ATRNL1: variants seen among roughly 807,000 people sequenced by gnomAD.
ATRNL1 encodes the protein attractin like 1, also known as attractin-like protein 1.
Under a neutral mutation model 182.7 loss-of-function variants are expected in ATRNL1, and 95 were observed. That is an observed-to-expected ratio of 0.52 (90% CI 0.44 to 0.62). The LOEUF is 0.62. Ranked by LOEUF, ATRNL1 falls within the 20% of genes least tolerant of loss-of-function variation. The pLI is 0.00. For missense variants in ATRNL1, 1,471 were observed against 1,679.5 expected (o/e 0.88, Z 2.17); for synonymous variants, 576 against 568.3 (o/e 1.01, Z -0.19).
intron 13 of ATRNL1, among the ~76,000 whole-genome samples, chr10:115,271,569 G>A (rs1163187883): frequency 1.3e-5 from 2 of 152,188 alleles, no homozygotes; most frequent in African/African-American, 4.8e-5. Context: ...AAATGCACAC[G>A]TATGTTTATT....
chr10:115,540,847 G>A (rs540938160), intron 25 of ATRNL1, among the ~76,000 whole-genome samples: 33 of 151,718 alleles, frequency 2.2e-4, no homozygotes, highest in Admixed American at 1.9e-3. Flanking sequence ...ATCTCTCAAT[G>A]TTTAGTGCTT....
chr10:115,446,490 A>G (rs1846997395), intron 21 of ATRNL1, among the ~76,000 whole-genome samples: 1 of 147,618 alleles, frequency 6.8e-6, no homozygotes. Context: ...TTCTCTTGAC[A>G]TGTTCCCCAT....
chr10:115,812,986 A>G (rs1950081642), intron 27 of ATRNL1, among the ~76,000 whole-genome samples: 1 of 152,128 alleles, frequency 6.6e-6, no homozygotes, highest in African/African-American at 2.4e-5. Flanking sequence ...TATGCTAGAG[A>G]GTGAATATGG....
chr10:115,268,916 G>A (rs61682974), intron 13 of ATRNL1, among the ~76,000 whole-genome samples: 1 of 152,156 alleles, frequency 6.6e-6, no homozygotes, highest in African/African-American at 2.4e-5. Context: ...ATACATTAGT[G>A]GTTCTCAAGT....
intron 26 of ATRNL1, among the ~76,000 whole-genome samples, chr10:115,637,566 T>C (rs182936998): frequency 4.5e-4 from 67 of 149,928 alleles, no homozygotes; most frequent in African/African-American, 1.6e-3. Context: ...GCTTATAAAG[T>C]AAAATAATTA....
chr10:115,327,999 G>A (rs1489133519), intron 18 of ATRNL1, among the ~76,000 whole-genome samples: 1 of 151,984 alleles, frequency 6.6e-6, no homozygotes, highest in Non-Finnish European at 1.5e-5. Context: ...TGACGAGTTA[G>A]TGGGTGCAGC....
At chr10:115,156,337 G>A (rs1005935368) in intron 5 of ATRNL1, among the ~76,000 whole-genome samples, 3 of 152,118 alleles carry the variant, frequency 2.0e-5, no homozygotes, top group East Asian at 1.9e-4. Flanking sequence ...TGGAAGTGCC[G>A]TTTACTCAGC....
intron 17 of ATRNL1, 56 bp downstream of exon 17, chr10:115,302,099 T>C: frequency 1.4e-6 from 2 of 1,399,764 alleles, no homozygotes; most frequent in Non-Finnish European, 1.9e-6. Flanking sequence ...TTTACTTTTC[T>C]GTGATGTAAA....
chr10:115,411,109 A>G (rs1190761397), intron 20 of ATRNL1, among the ~76,000 whole-genome samples: 1 of 152,070 alleles, frequency 6.6e-6, no homozygotes, highest in Non-Finnish European at 1.5e-5. Flanking sequence ...AATCTGTAAT[A>G]TTTTAAAATT....
intron 9 of ATRNL1, among the ~76,000 whole-genome samples, chr10:115,233,310 A>G (rs1209336636): frequency 6.6e-6 from 1 of 152,166 alleles, no homozygotes; most frequent in Non-Finnish European, 1.5e-5. Context: ...TCATTCAACC[A>G]GTACAATATC....
intron 18 of ATRNL1, 138 bp from the exon 19 acceptor site, chr10:115,334,144 T>C (rs1335328822): frequency 2.0e-6 from 1 of 505,632 alleles, no homozygotes; most frequent in Non-Finnish European, 3.3e-6. Context: ...TATGTGTTAT[T>C]AATTTTTAAA....
At chr10:115,167,087 G>C (rs1273572448) in intron 7 of ATRNL1, among the ~76,000 whole-genome samples, 1 of 151,734 alleles carries the variant, frequency 6.6e-6, no homozygotes, top group African/African-American at 2.4e-5. Context: ...CTGATGTAAG[G>C]GTCCATTTTC....
chr10:115,742,944 G>T (rs1359493054), intron 27 of ATRNL1, among the ~76,000 whole-genome samples: 1 of 152,126 alleles, frequency 6.6e-6, no homozygotes, highest in Non-Finnish European at 1.5e-5. Context: ...GGCTGGGGAG[G>T]CTTCAGGAAA....
At chr10:115,328,113 G>A (rs572931296) in intron 18 of ATRNL1, among the ~76,000 whole-genome samples, 20 of 151,518 alleles carry the variant, frequency 1.3e-4, no homozygotes, top group African/African-American at 1.7e-4. Context: ...TTAAAAAAAA[G>A]AAACAGTACC....
In ATRNL1 at chr10:115,531,842, C is replaced by T. The variant is rs1403930460; in HGVS notation, c.3716+12518C>T. On this transcript the variant is annotated intron_variant, in intron 25 of 28. Transcript: ENST00000355044. Reference sequence around the variant, plus strand: ...GAAGGGATCCAGTTTCAGCATTCTACGTATGGCTAGCCAGTTTTCCCAGCA... The same window carrying T: ...GAAGGGATCCAGTTTCAGCATTCTATGTATGGCTAGCCAGTTTTCCCAGCA... Among the ~76,000 whole-genome samples the T allele has an allele frequency of 4.2e-5, 6 of 144,192 alleles. 1 individual carries two copies. Among genetic ancestry groups the T allele is most frequent in the Admixed American group, 1.4e-4 (2 of 14,564 alleles). The allele number at this position is 144,192 out of a possible 152,430, so 94.6% of individuals were successfully genotyped here. A position where few individuals can be genotyped will look rare whatever the true frequency, so the allele number is the denominator to read the frequency against.
intron 26 of ATRNL1, among the ~76,000 whole-genome samples, chr10:115,574,354 G>GTA (rs36117647): frequency 4.0e-5 from 6 of 149,860 alleles, no homozygotes; most frequent in Non-Finnish European, 5.9e-5. Context: ...ATATATAAAT[G>GTA]TATATATATA....
intron 27 of ATRNL1, among the ~76,000 whole-genome samples, chr10:115,802,268 G>A (rs1177928402): frequency 1.3e-5 from 2 of 152,144 alleles, no homozygotes; most frequent in Non-Finnish European, 2.9e-5. Context: ...CTACCATTCA[G>A]CAGGCAAGTG....
intron 5 of ATRNL1, among the ~76,000 whole-genome samples, chr10:115,143,863 T>C (rs1304453291): frequency 1.3e-5 from 2 of 152,112 alleles, no homozygotes; most frequent in South Asian, 4.1e-4. Flanking sequence ...CTTATCTAAA[T>C]CTAATTACCT....
intron 19 of ATRNL1, among the ~76,000 whole-genome samples, chr10:115,335,423 C>T (rs1037459232): frequency 6.6e-6 from 1 of 152,064 alleles, no homozygotes; most frequent in South Asian, 2.1e-4. Context: ...CTGTCTGGGC[C>T]ACTTTCTAAA....
Sources: allele counts gnomAD v4.1 joint callset (sites outside exome capture counted in the v4.1 genomes callset), GRCh38; gene constraint gnomAD v4.1.1; transcripts MANE v1.5; gene names NCBI Gene and HGNC (gene_info 2026-07-23, HGNC 2026-07-21).